The following ZNF578 variants were observed in gnomAD, a reference collection of about 807,000 sequenced individuals.
ZNF578 encodes the protein zinc finger protein 578.
Under a neutral mutation model 8.3 loss-of-function variants are expected in ZNF578, and 8 were observed. That is an observed-to-expected ratio of 0.96 (90% CI 0.56 to 1.74). The LOEUF is 1.74. Ranked by LOEUF, ZNF578 falls within the 40% of genes most tolerant of loss-of-function variation. ZNF578 has a pLI of 0.00. For missense variants in ZNF578, 726 were observed against 707.5 expected, an observed-to-expected ratio of 1.03 and a Z score of -0.30; for synonymous variants, 206 against 232.2, an observed-to-expected ratio of 0.89 and a Z score of 1.03.
In ZNF578 at chr19:52,510,960, C is replaced by T; in HGVS notation, c.579C>T (p.Ser193=). 6.2e-7 allele frequency: 1 copy of T among 1,614,102 alleles called. No homozygotes were observed. Among genetic ancestry groups the T allele is most frequent in the Non-Finnish European group, 8.5e-7 (1 of 1,180,020 alleles). Residue 193 remains serine, a synonymous_variant, in exon 6 of 6, where the codon TCC becomes TCT. Transcript: ENST00000421239. ...ACGATGCTTCCTCAATTTCAACATCCCAAAGAATTTCTTGTAGGCCTGAAA... is the reference window on the plus strand; with the variant it reads ...ACGATGCTTCCTCAATTTCAACATCTCAAAGAATTTCTTGTAGGCCTGAAA... ...SVNDASSIST[S]QRISCRPETH...
At chr19:52,474,057 C>T in intron 2 of ZNF578, 2 of 424,772 alleles carry the variant, frequency 4.7e-6, no homozygotes. Flanking sequence ...TTGCCACATT[C>T]ATTACATTTG....
chr19:52,479,421 C>G (rs1568458992), intron 2 of ZNF578, among the ~76,000 whole-genome samples: 1 of 151,708 alleles, frequency 6.6e-6, no homozygotes, highest in East Asian at 2.0e-4. Flanking sequence ...CGAAGTCCCA[C>G]CTACTTGGGA....
At chr19:52,504,185 A>ACTTCAAGTGATTCTCCTGC in intron 4 of ZNF578, among the ~76,000 whole-genome samples, 1 of 150,438 alleles carries the variant, frequency 6.6e-6, no homozygotes, top group African/African-American at 2.4e-5. Flanking sequence ...CCATCTCCTG[A>ACTTCAAGTGATTCTCCTGC]CTTCAAGTGA....
At chr19:52,503,800 CTTTT>C (rs59166209) in intron 4 of ZNF578, among the ~76,000 whole-genome samples, 1 of 125,506 alleles carries the variant, frequency 8.0e-6, no homozygotes, top group Admixed American at 8.6e-5. Flanking sequence ...CCTGTGTTTG[CTTTT>C]TTTTTTTTTT....
chr19:52,485,442 G>A (rs977023135), intron 2 of ZNF578, among the ~76,000 whole-genome samples: 2 of 152,178 alleles, frequency 1.3e-5, no homozygotes, highest in Non-Finnish European at 2.9e-5. Context: ...GCAGGTGCTT[G>A]TCATCTGTGC....
chr19:52,500,225 G>A (rs2059401695), intron 3 of ZNF578, among the ~76,000 whole-genome samples: 1 of 152,026 alleles, frequency 6.6e-6, no homozygotes, highest in African/African-American at 2.4e-5. Flanking sequence ...GGTGGTCGGC[G>A]CAGAGCTTAA....
chr19:52,511,522 G>T lies in ZNF578; in HGVS notation c.1141G>T (p.Gly381Cys), dbSNP rs753801026. The change falls in exon 6 of 6, where the codon GGT becomes TGT. Residue 381 changes from glycine to cysteine, a missense_variant. Transcript: ENST00000421239. ...GTGTAATGAGTGTGGCAAGATGTTT[G>T]GTCAAAATTCAACCCTTGTAATTCA... is the stretch of plus-strand genomic sequence containing the variant. ...YKCNECGKMF[G>C]QNSTLVIHKA... 4 of 1,613,298 alleles carry T rather than the reference G, an allele frequency of 2.5e-6. No individual in the cohort carries two copies. The highest frequency in any genetic ancestry group is 2.2e-5 in the South Asian group (2 of 91,056).
intron 2 of ZNF578, among the ~76,000 whole-genome samples, chr19:52,467,955 A>T (rs1373986677): frequency 6.6e-6 from 1 of 152,160 alleles, no homozygotes; most frequent in African/African-American, 2.4e-5. Context: ...TCATATTTAC[A>T]ATAAACCTAG....
intron 2 of ZNF578, among the ~76,000 whole-genome samples, chr19:52,486,201 T>A (rs1485506242): frequency 1.3e-5 from 2 of 152,228 alleles, no homozygotes; most frequent in Non-Finnish European, 2.9e-5. Flanking sequence ...GGCACAGCAC[T>A]TTTTTCTTTA....
At chr19:52,500,911 C>G (rs1599909456) in intron 3 of ZNF578, among the ~76,000 whole-genome samples, 1 of 130,170 alleles carries the variant, frequency 7.7e-6, no homozygotes, top group Non-Finnish European at 1.6e-5. Context: ...TAGAGTCTTG[C>G]TCTGTCACCC....
intron 2 of ZNF578, among the ~76,000 whole-genome samples, chr19:52,469,867 A>G (rs1490370341): frequency 6.6e-6 from 1 of 152,192 alleles, no homozygotes; most frequent in Non-Finnish European, 1.5e-5. Context: ...TTTTGTAGAC[A>G]AAAGGCTGAA....
chr19:52,485,640 C>A (rs141696954), intron 2 of ZNF578, among the ~76,000 whole-genome samples: 14 of 152,288 alleles, frequency 9.2e-5, no homozygotes, highest in Non-Finnish European at 1.8e-4. Context: ...ATTCTTCTGC[C>A]TTGAGATGCT....
rs112359259 is a variant in ZNF578 at position 52,513,370 on chromosome 19, A to G, written c.*1216A>G. Reference sequence around the variant, plus strand: ...TTTTTTTTTTTTTTTTTGAGATAGTACTTTTTAAAGAGATAGTACTTTTTT... The same window carrying G: ...TTTTTTTTTTTTTTTTTGAGATAGTGCTTTTTAAAGAGATAGTACTTTTTT... On this transcript the variant is annotated 3_prime_UTR_variant, in exon 6 of 6. Transcript: ENST00000421239. 2.4e-4 allele frequency among the ~76,000 whole-genome samples: 23 copies of G among 96,758 alleles called. No individual in the cohort carries two copies. Among genetic ancestry groups the G allele is most frequent in the Middle Eastern group, 6.7e-3 (1 of 150 alleles). 63.5% of individuals were successfully genotyped at this position (96,758 alleles called of 152,430 possible).
chr19:52,488,048 G>A (rs60952057), intron 2 of ZNF578, among the ~76,000 whole-genome samples: 5,689 of 151,684 alleles, frequency 0.038, 336 homozygotes, highest in African/African-American at 0.13. Context: ...TCCGCTTGTC[G>A]GCTTCAAGCA....
At chr19:52,501,062 A>T (rs2059405352) in intron 3 of ZNF578, among the ~76,000 whole-genome samples, 1 of 152,078 alleles carries the variant, frequency 6.6e-6, no homozygotes, top group East Asian at 1.9e-4. Flanking sequence ...TACTTTTAGT[A>T]GAGAAAGCAT....
chr19:52,498,323 A>ATG (rs1555755683), intron 3 of ZNF578, among the ~76,000 whole-genome samples: 1 of 112,652 alleles, frequency 8.9e-6, no homozygotes, highest in Non-Finnish European at 1.8e-5. Flanking sequence ...CGCCTGGCTA[A>ATG]TGTGTGTTTT....
intron 2 of ZNF578, among the ~76,000 whole-genome samples, chr19:52,480,916 A>ATAATAG (rs2059324198): frequency 1.5e-5 from 2 of 131,524 alleles, no homozygotes; most frequent in Admixed American, 1.4e-4. Context: ...AATAATAATA[A>ATAATAG]TAATAATAAT....
intron 2 of ZNF578, among the ~76,000 whole-genome samples, chr19:52,486,976 A>G (rs1436215294): frequency 6.6e-6 from 1 of 151,790 alleles, no homozygotes; most frequent in African/African-American, 2.4e-5. Context: ...AAAGAAAACA[A>G]GAGCTAGAGA....
In ZNF578 at chr19:52,507,729, T is replaced by C. The variant is rs190824021; in HGVS notation, c.191-2843T>C. 8.6e-3 allele frequency among the ~76,000 whole-genome samples: 1,313 copies of C among 152,236 alleles called. 14 individuals are homozygous for C. Among genetic ancestry groups the C allele is most frequent in the East Asian group, 0.026 (137 of 5,170 alleles). ...ACATGGGGGAAAGAGGAGCAGGCAATGAGCTCTTTACTGTCTCTTTTTATA... is the reference window on the plus strand; with the variant it reads ...ACATGGGGGAAAGAGGAGCAGGCAACGAGCTCTTTACTGTCTCTTTTTATA... On this transcript the variant is annotated intron_variant, in intron 5 of 5. Coordinates refer to ENST00000421239, the MANE Select transcript of ZNF578 (RefSeq NM_001099694.2).
Sources: allele counts gnomAD v4.1 joint callset (sites outside exome capture counted in the v4.1 genomes callset), GRCh38; gene constraint gnomAD v4.1.1; transcripts MANE v1.5; gene names NCBI Gene and HGNC (gene_info 2026-07-23, HGNC 2026-07-21).